Variants in CDH12 observed in about 807,000 individuals in gnomAD.
CDH12 encodes cadherin 12, also known as cadherin-12.
Under a neutral mutation model 74.1 loss-of-function variants are expected in CDH12, and 41 were observed. The ratio of observed to expected loss-of-function variants is 0.55; its 90% CI spans 0.43 to 0.72. The LOEUF (loss-of-function observed/expected upper bound fraction) is 0.72, where lower values mean the gene tolerates loss of function less well. CDH12 is among the 30% of genes least tolerant of loss of function. The pLI is 0.00. For synonymous variants in CDH12, 399 were observed against 355.0 expected, an observed-to-expected ratio of 1.12 and a Z score of -1.39; for missense variants, 945 against 977.2, an observed-to-expected ratio of 0.97 and a Z score of 0.44.
chr5:22,362,805 A>G (rs1229850533), intron 3 of CDH12, among the ~76,000 whole-genome samples: 1 of 151,844 alleles, frequency 6.6e-6, no homozygotes, highest in Non-Finnish European at 1.5e-5. Flanking sequence ...ACTGGAAACC[A>G]TCATTCTCAG....
Position 21,783,360 on chromosome 5 carries a change from A to C in CDH12, c.1391T>G (p.Val464Gly). 1 of 1,612,504 alleles carries C rather than the reference A, an allele frequency of 6.2e-7. No homozygotes were observed. The highest frequency in any genetic ancestry group is 8.5e-7 in the Non-Finnish European group (1 of 1,178,932). ...GATTCTGTCCATGCCATACTTACTA[A>C]CTTTACTCGCAATTATGGAGAAATT... ...QYNFSIIASK[V>G]SNPLLTSKVN... is the part of the protein sequence containing the mutation. The change falls in exon 11 of 15, where the codon GTT becomes GGT. Residue 464 changes from valine to glycine, a missense_variant and splice_region_variant. Val to Gly is a moderately radical substitution (Grantham distance 109). Coordinates refer to ENST00000382254, the MANE Select transcript of CDH12 (RefSeq NM_004061.5).
intron 4 of CDH12, among the ~76,000 whole-genome samples, chr5:22,094,462 G>T (rs1743625167): frequency 1.3e-5 from 2 of 152,128 alleles, no homozygotes; most frequent in Non-Finnish European, 2.9e-5. Context: ...GCTGAGTTTA[G>T]CACAAAGTAC....
At chr5:22,293,956 G>T (rs964192417) in intron 3 of CDH12, among the ~76,000 whole-genome samples, 1 of 152,080 alleles carries the variant, frequency 6.6e-6, no homozygotes, top group Non-Finnish European at 1.5e-5. Context: ...GAAACGCTAA[G>T]AGAGCAGATG....
chr5:21,833,159 ATATAT>A (rs1285026016), intron 8 of CDH12, among the ~76,000 whole-genome samples: 1 of 54,910 alleles, frequency 1.8e-5, no homozygotes, highest in Non-Finnish European at 2.7e-5. Flanking sequence ...AACATATAAT[ATATAT>A]TATATTATAA....
chr5:21,790,737 C>A lies in CDH12; in HGVS notation c.1257-7243G>T, dbSNP rs1482493414. On this transcript the variant is annotated intron_variant, in intron 10 of 14. Coordinates refer to ENST00000382254, the MANE Select transcript of CDH12 (RefSeq NM_004061.5). ...TGAGTGTATGTGTATGTCCTTTTCC[C>A]CCTTTCTCCCTCTCCTTTCATACTA... Among the ~76,000 whole-genome samples the A allele has an allele frequency of 1.3e-5, 2 of 151,856 alleles. 1 individual carries two copies. Among genetic ancestry groups the A allele is most frequent in the Admixed American group, 1.3e-4 (2 of 15,196 alleles).
intron 3 of CDH12, among the ~76,000 whole-genome samples, chr5:22,244,740 AAAAGAAAGAAAGAAAGAAAGAAAG>A (rs200900772): frequency 4.1e-4 from 38 of 92,630 alleles, no homozygotes; most frequent in African/African-American, 6.5e-4. Flanking sequence ...AGAAAGAAAG[AAAAGAAAGAAAGAAAGAAAGAAAG>A]AAAGAAAGAA....
At chr5:22,542,517 G>A (rs1246690952) in intron 1 of CDH12, among the ~76,000 whole-genome samples, 1 of 152,126 alleles carries the variant, frequency 6.6e-6, no homozygotes, top group East Asian at 1.9e-4. Context: ...TTAATGATCA[G>A]TTTGTATTTA....
intron 6 of CDH12, among the ~76,000 whole-genome samples, chr5:21,904,373 G>A (rs1753539446): frequency 6.6e-6 from 1 of 152,090 alleles, no homozygotes; most frequent in Non-Finnish European, 1.5e-5. Context: ...GAATAATAAT[G>A]GGATGATTAT....
intron 3 of CDH12, among the ~76,000 whole-genome samples, chr5:22,323,745 G>A (rs1738978747): frequency 6.6e-6 from 1 of 152,150 alleles, no homozygotes; most frequent in African/African-American, 2.4e-5. Flanking sequence ...ACAAGACTGA[G>A]TGTTGGTACA....
At chr5:22,078,994 C>T (rs530160501) in intron 4 of CDH12, 132 bp from the exon 5 acceptor site, 19 of 257,158 alleles carry the variant, frequency 7.4e-5, no homozygotes, top group African/African-American at 1.1e-4. Context: ...TATTAGTAAA[C>T]GGTCACCGCT....
At chr5:22,369,185 A>T (rs1036125657) in intron 3 of CDH12, among the ~76,000 whole-genome samples, 1 of 151,020 alleles carries the variant, frequency 6.6e-6, no homozygotes. Flanking sequence ...ATCTTTTGAA[A>T]TTTGATGTCC....
chr5:22,048,086 C>T (rs1156863638), intron 5 of CDH12, among the ~76,000 whole-genome samples: 13 of 152,080 alleles, frequency 8.5e-5, no homozygotes. Flanking sequence ...AATCATTGTA[C>T]CCCTTTTTGC....
At chr5:22,332,474 T>C (rs933223545) in intron 3 of CDH12, among the ~76,000 whole-genome samples, 6 of 152,176 alleles carry the variant, frequency 3.9e-5, no homozygotes, top group Admixed American at 2.6e-4. Flanking sequence ...TGAAATTTAA[T>C]TAAACTGAAG....
intron 1 of CDH12, among the ~76,000 whole-genome samples, chr5:22,698,224 C>A (rs947662978): frequency 7.0e-6 from 1 of 143,600 alleles, no homozygotes; most frequent in African/African-American, 2.6e-5. Context: ...TGGGTTCAAG[C>A]AATTCTCCTG....
At chr5:22,678,220 G>A (rs1280915583) in intron 1 of CDH12, among the ~76,000 whole-genome samples, 1 of 151,890 alleles carries the variant, frequency 6.6e-6, no homozygotes, top group Non-Finnish European at 1.5e-5. Context: ...ATATTAAATT[G>A]TTTCTTAGAT....
At chr5:22,257,766 G>A (rs192272935) in intron 3 of CDH12, among the ~76,000 whole-genome samples, 4 of 152,154 alleles carry the variant, frequency 2.6e-5, no homozygotes, top group Admixed American at 2.0e-4. Flanking sequence ...AAAGTGCTGG[G>A]ATTACAGGCG....
chr5:21,772,866 T>C (rs1745397017), intron 11 of CDH12, among the ~76,000 whole-genome samples: 1 of 152,172 alleles, frequency 6.6e-6, no homozygotes, highest in Non-Finnish European at 1.5e-5. Context: ...GATAATCAGA[T>C]ACTAATTAAG....
chr5:22,603,551 G>T (rs566763063), intron 1 of CDH12, among the ~76,000 whole-genome samples: 1 of 152,280 alleles, frequency 6.6e-6, no homozygotes, highest in East Asian at 1.9e-4. Flanking sequence ...ATAAGACGTG[G>T]CAGTAATGAA....
chr5:22,335,445 C>G (rs543646991), intron 3 of CDH12, among the ~76,000 whole-genome samples: 1 of 152,022 alleles, frequency 6.6e-6, no homozygotes, highest in South Asian at 2.1e-4. Flanking sequence ...ATTGGCCAGA[C>G]GTGGTGGCAG....
Sources: gnomAD v4.1 joint callset for allele counts (sites outside exome capture counted in the v4.1 genomes callset) on GRCh38, gnomAD v4.1.1 for gene constraint, MANE v1.5 for transcripts, NCBI Gene and HGNC (gene_info 2026-07-23, HGNC 2026-07-21) for gene names.